Variants in DSCAM observed in about 807,000 individuals in gnomAD.
The protein encoded by DSCAM is DS cell adhesion molecule.
In DSCAM, 47 loss-of-function variants were observed where a neutral mutation model predicts 217.7. That is an observed-to-expected ratio of 0.22 (90% CI 0.17 to 0.28). The LOEUF is 0.28. DSCAM is among the 10% of genes least tolerant of loss of function. The pLI is 1.00. For synonymous variants in DSCAM, 1,056 were observed against 1,015.3 expected (o/e 1.04, Z -0.76); for missense variants, 2,080 against 2,618.3 (o/e 0.79, Z 4.49).
At chr21:40,084,239 G>A (rs1168300693) in intron 23 of DSCAM, among the ~76,000 whole-genome samples, 1 of 151,934 alleles carries the variant, frequency 6.6e-6, no homozygotes, top group Non-Finnish European at 1.5e-5. Context: ...ATTTCTACTT[G>A]GATTCATATC....
chr21:40,138,116 G>A (rs1019901667), intron 18 of DSCAM, among the ~76,000 whole-genome samples: 3 of 152,112 alleles, frequency 2.0e-5, no homozygotes, highest in African/African-American at 4.8e-5. Context: ...ATACTAACCA[G>A]TTTTATTTCA....
At chr21:40,393,292 C>A (rs958587879) in intron 3 of DSCAM, among the ~76,000 whole-genome samples, 1 of 152,158 alleles carries the variant, frequency 6.6e-6, no homozygotes, top group Non-Finnish European at 1.5e-5. Flanking sequence ...ACCTCTGATG[C>A]GGAGCAGCAC....
At chr21:40,624,409 T>C (rs897988003) in intron 3 of DSCAM, among the ~76,000 whole-genome samples, 1 of 152,176 alleles carries the variant, frequency 6.6e-6, no homozygotes, top group Non-Finnish European at 1.5e-5. Flanking sequence ...CCAGCACTGC[T>C]GTAAGATCGG....
intron 3 of DSCAM, among the ~76,000 whole-genome samples, chr21:40,674,855 C>A (rs1383146739): frequency 6.6e-6 from 1 of 151,862 alleles, no homozygotes; most frequent in East Asian, 1.9e-4. Context: ...ATGGTCTTGA[C>A]CTCCTGATCC....
chr21:40,041,058 T>C (rs2088739482), intron 32 of DSCAM, among the ~76,000 whole-genome samples: 1 of 152,226 alleles, frequency 6.6e-6, no homozygotes, highest in Admixed American at 6.5e-5. Context: ...CTTGAGCTGG[T>C]ATGGAAGATT....
intron 3 of DSCAM, among the ~76,000 whole-genome samples, chr21:40,628,075 G>A (rs1405243085): frequency 6.6e-6 from 1 of 152,152 alleles, no homozygotes; most frequent in Non-Finnish European, 1.5e-5. Context: ...CACAACCCCA[G>A]CACAATGAAA....
chr21:40,448,528 G>C (rs1378542128), intron 3 of DSCAM, among the ~76,000 whole-genome samples: 1 of 152,032 alleles, frequency 6.6e-6, no homozygotes, highest in Non-Finnish European at 1.5e-5. Flanking sequence ...TCCTGGTTCA[G>C]CTTGTAGGGA....
chr21:40,824,105 G>C (rs1281194133), intron 1 of DSCAM, among the ~76,000 whole-genome samples: 1 of 152,066 alleles, frequency 6.6e-6, no homozygotes, highest in Admixed American at 6.6e-5. Flanking sequence ...GTCATGCTTG[G>C]ATCATCCCCA....
intron 1 of DSCAM, among the ~76,000 whole-genome samples, chr21:40,826,721 C>T (rs886623765): frequency 1.2e-4 from 19 of 152,084 alleles, no homozygotes; most frequent in African/African-American, 1.2e-4. Context: ...GAGGGACGAG[C>T]GATGCTCAGT....
In DSCAM at chr21:40,793,640, G is replaced by A. The variant is rs554613383; in HGVS notation, c.43+52979C>T. ...CGGGTAGCTGGGACTACAGACGCAC[G>A]CCACCATGGCTGGCTAATTTTCGTA... On this transcript the variant is annotated intron_variant, in intron 1 of 32. Transcript: ENST00000400454. 4.0e-4 allele frequency among the ~76,000 whole-genome samples: 61 copies of A among 152,058 alleles called. No individual in the cohort carries two copies. In the Middle Eastern group the frequency reaches 0.01, roughly 25 times the overall value.
chr21:40,446,684 G>C (rs1037903944), intron 3 of DSCAM, among the ~76,000 whole-genome samples: 6 of 152,172 alleles, frequency 3.9e-5, no homozygotes, highest in African/African-American at 1.4e-4. Flanking sequence ...ATCACTCTCA[G>C]CAACTCAGGT....
intron 1 of DSCAM, among the ~76,000 whole-genome samples, chr21:40,801,247 A>G (rs1290980805): frequency 6.6e-6 from 1 of 152,186 alleles, no homozygotes; most frequent in Non-Finnish European, 1.5e-5. Context: ...AAGGAGCTAC[A>G]TGGTTACTTT....
At chr21:40,602,313 G>A (rs1003418720) in intron 3 of DSCAM, among the ~76,000 whole-genome samples, 1 of 152,056 alleles carries the variant, frequency 6.6e-6, no homozygotes, top group Non-Finnish European at 1.5e-5. Flanking sequence ...CGCCCGCTGC[G>A]GCTTCTCAAA....
intron 3 of DSCAM, among the ~76,000 whole-genome samples, chr21:40,428,729 G>A (rs2075500963): frequency 1.3e-5 from 2 of 151,912 alleles, no homozygotes; most frequent in Non-Finnish European, 2.9e-5. Context: ...AGTGTCGTGG[G>A]GCTGTGTGTT....
intron 16 of DSCAM, among the ~76,000 whole-genome samples, chr21:40,148,651 G>A (rs2090386232): frequency 6.6e-6 from 1 of 151,656 alleles, no homozygotes; most frequent in South Asian, 2.1e-4. Flanking sequence ...ACCTCTGCAG[G>A]TCACTGTCAC....
intron 16 of DSCAM, among the ~76,000 whole-genome samples, chr21:40,166,485 A>G (rs1232884689): frequency 6.6e-6 from 1 of 152,208 alleles, no homozygotes; most frequent in African/African-American, 2.4e-5. Flanking sequence ...CATGCTACTG[A>G]CCTGAAGGCC....
intron 3 of DSCAM, among the ~76,000 whole-genome samples, chr21:40,657,224 G>T (rs1468803424): frequency 6.6e-6 from 1 of 152,170 alleles, no homozygotes; most frequent in Non-Finnish European, 1.5e-5. Flanking sequence ...CCTTGTGTGT[G>T]TTGAAGCCTA....
At chr21:40,273,056 C>T (rs2073640619) in intron 11 of DSCAM, among the ~76,000 whole-genome samples, 1 of 152,136 alleles carries the variant, frequency 6.6e-6, no homozygotes, top group Non-Finnish European at 1.5e-5. Context: ...TTCCCTTTTC[C>T]TAGCCTCTGG....
At chr21:40,251,839 GTTTTC>G (rs1241567738) in intron 11 of DSCAM, among the ~76,000 whole-genome samples, 1 of 152,066 alleles carries the variant, frequency 6.6e-6, no homozygotes, top group East Asian at 1.9e-4. Flanking sequence ...CCACTTGCAT[GTTTTC>G]TTTTCTTTCT....
Sources: gnomAD v4.1 joint callset for allele counts (sites outside exome capture counted in the v4.1 genomes callset) on GRCh38, gnomAD v4.1.1 for gene constraint, MANE v1.5 for transcripts, NCBI Gene and HGNC (gene_info 2026-07-23, HGNC 2026-07-21) for gene names.